The following RNF216 variants were observed in gnomAD, a reference collection of about 807,000 sequenced individuals.
RNF216 encodes the protein ring finger protein 216.
RNF216 carries 72 observed loss-of-function variants against 110.8 expected under a neutral mutation model. The observed-to-expected ratio is 0.65, with a 90% CI of 0.54 to 0.79. The LOEUF is 0.79. RNF216 is among the 30% of genes least tolerant of loss of function. The pLI is 0.00. For missense variants in RNF216, 1,342 were observed against 1,141.2 expected, an observed-to-expected ratio of 1.18 and a Z score of -2.54; for synonymous variants, 495 against 407.5, an observed-to-expected ratio of 1.21 and a Z score of -2.59.
chr7:5,675,951 C>T lies in RNF216; in HGVS notation c.2062-23441G>A, dbSNP rs540729108. On this transcript the variant is annotated intron_variant, in intron 13 of 16. Coordinates refer to ENST00000389902, the MANE Select transcript of RNF216 (RefSeq NM_207111.4). ...CTTGAACTCCTGACCTCAGATGATC[C>T]GCCCACCTCAGCCTTCCAAAGTGCT... Among the ~76,000 whole-genome samples, 19 of 151,370 alleles carry T rather than the reference C, an allele frequency of 1.3e-4. 1 individual carries two copies. The South Asian group carries it at 2.9e-3, about 23-fold the overall frequency.
intron 13 of RNF216, among the ~76,000 whole-genome samples, chr7:5,688,628 T>G (rs920394132): frequency 6.6e-6 from 1 of 152,220 alleles, no homozygotes; most frequent in Non-Finnish European, 1.5e-5. Context: ...TTATACAAAG[T>G]GAGCAGAAGG....
At chr7:5,655,192 ATG>A (rs1268904671) in intron 13 of RNF216, among the ~76,000 whole-genome samples, 3 of 152,222 alleles carry the variant, frequency 2.0e-5, no homozygotes, top group African/African-American at 4.8e-5. Context: ...AGCCAGGTGC[ATG>A]TGAGGGCCAC....
intron 2 of RNF216, among the ~76,000 whole-genome samples, chr7:5,753,588 C>T (rs947332106): frequency 3.3e-5 from 5 of 152,152 alleles, no homozygotes; most frequent in Non-Finnish European, 5.9e-5. Flanking sequence ...GTTTTTACTT[C>T]CTTTTATCAA....
chr7:5,655,368 C>T (rs546238166), intron 13 of RNF216, among the ~76,000 whole-genome samples: 9 of 152,160 alleles, frequency 5.9e-5, no homozygotes, highest in Admixed American at 1.3e-4. Flanking sequence ...GAGGCCGAGG[C>T]GGAGGGATCA....
At chr7:5,657,666 G>A (rs1045741114) in intron 13 of RNF216, among the ~76,000 whole-genome samples, 3 of 152,158 alleles carry the variant, frequency 2.0e-5, no homozygotes, top group African/African-American at 7.2e-5. Context: ...TGCTCAGCCA[G>A]GGACCACAGG....
chr7:5,757,323 G>A lies in RNF216; in HGVS notation c.67+3680C>T, dbSNP rs144089481. The stretch of plus-strand genomic sequence containing the variant: ...GATTAGCTTATCTTCTCAGTGCACT[G>A]AATCTTTTATCATTATGAACTCTAT... On this transcript the variant is annotated intron_variant, in intron 2 of 16. Coordinates refer to ENST00000389902, the MANE Select transcript of RNF216 (RefSeq NM_207111.4). Among the ~76,000 whole-genome samples, 196 of 152,242 alleles carry A rather than the reference G, an allele frequency of 1.3e-3. 2 individuals are homozygous for A. Among genetic ancestry groups the A allele is most frequent in the Non-Finnish European group, 2.0e-3 (134 of 68,020 alleles).
chr7:5,711,732 T>G (rs1428569158), intron 13 of RNF216, 29 bp downstream of exon 13: 2 of 1,586,192 alleles, frequency 1.3e-6, no homozygotes, highest in African/African-American at 2.7e-5. Flanking sequence ...TAATTCAATA[T>G]ACATCTAGAA....
intron 1 of RNF216, among the ~76,000 whole-genome samples, chr7:5,767,646 G>T (rs536579088): frequency 1.3e-5 from 2 of 151,272 alleles, no homozygotes; most frequent in South Asian, 4.2e-4. Flanking sequence ...TGCCACCCAG[G>T]CTGAAGTAAT....
At chr7:5,654,906 TA>T (rs1270290465) in intron 13 of RNF216, among the ~76,000 whole-genome samples, 1 of 151,950 alleles carries the variant, frequency 6.6e-6, no homozygotes, top group African/African-American at 2.4e-5. Flanking sequence ...CCCATTTTTA[TA>T]AGAAACAAAC....
intron 2 of RNF216, among the ~76,000 whole-genome samples, chr7:5,754,119 GGTGTGTGTGTGTGTGTGTGTGTGTGTGT>G (rs10543449): frequency 7.0e-6 from 1 of 141,998 alleles, no homozygotes; most frequent in Non-Finnish European, 1.5e-5. Context: ...TCTTTTGTGT[GGTGTGTGTGTGTGTGTGTGTGTGTGTGT>G]GTGTGTGTGT....
Position 5,661,465 on chromosome 7 carries a change from A to C in RNF216, c.2062-8955T>G, listed in dbSNP as rs1345572114. Among the ~76,000 whole-genome samples the C allele has an allele frequency of 1.5e-4, 23 of 152,208 alleles. 1 individual carries two copies. The highest frequency in any genetic ancestry group is 1.4e-3 in the Admixed American group (22 of 15,276). ...TTTGCATACACATCTCAATCTTCACAGCAACTCTACAGGGAAGTACTGGAG... is the reference window on the plus strand; with the variant it reads ...TTTGCATACACATCTCAATCTTCACCGCAACTCTACAGGGAAGTACTGGAG... On this transcript the variant is annotated intron_variant, in intron 13 of 16. Coordinates refer to ENST00000389902, the MANE Select transcript of RNF216 (RefSeq NM_207111.4).
intron 14 of RNF216, among the ~76,000 whole-genome samples, chr7:5,647,214 T>C (rs576308655): frequency 6.6e-6 from 1 of 152,186 alleles, no homozygotes; most frequent in African/African-American, 2.4e-5. Context: ...CCCTACACTG[T>C]CATGTTTTTG....
rs554026914 is a variant in RNF216 at position 5,725,887 on chromosome 7, C to T, written c.1390-449G>A. Among the ~76,000 whole-genome samples the T allele has an allele frequency of 1.9e-4, 29 of 149,900 alleles. No homozygotes were observed. The South Asian group carries it at 6.1e-3, about 32-fold the overall frequency. ...AATAGGCAGTGGTAAAATAAATAGG[C>T]AGCATTTCTTTATTTTCATTTTCTC... On this transcript the variant is annotated intron_variant, in intron 7 of 16. Coordinates refer to ENST00000389902, the MANE Select transcript of RNF216 (RefSeq NM_207111.4).
intron 15 of RNF216, among the ~76,000 whole-genome samples, chr7:5,628,050 C>T (rs1584334031): frequency 6.6e-6 from 1 of 152,170 alleles, no homozygotes; most frequent in African/African-American, 2.4e-5. Context: ...GCAGATAGAA[C>T]CTTCCCAGCC....
At chr7:5,705,801 G>A (rs764258214) in intron 13 of RNF216, among the ~76,000 whole-genome samples, 2 of 152,090 alleles carry the variant, frequency 1.3e-5, no homozygotes, top group African/African-American at 4.8e-5. Flanking sequence ...CAGCTACTCG[G>A]GAGGCTGGGG....
chr7:5,711,590 C>A (rs547909978), intron 13 of RNF216, among the ~76,000 whole-genome samples, 171 bp downstream of exon 13: 21 of 152,314 alleles, frequency 1.4e-4, no homozygotes, highest in Admixed American at 1.2e-3. Context: ...ATCTCAGTAA[C>A]CATGTCAACC....
At chr7:5,771,539 G>A (rs150141591) in intron 1 of RNF216, among the ~76,000 whole-genome samples, 1 of 152,224 alleles carries the variant, frequency 6.6e-6, no homozygotes, top group Non-Finnish European at 1.5e-5. Flanking sequence ...GCTCATGCCT[G>A]TAATCCCTGC....
At chr7:5,681,041 T>C (rs1005488056) in intron 13 of RNF216, among the ~76,000 whole-genome samples, 10 of 152,080 alleles carry the variant, frequency 6.6e-5, no homozygotes, top group Non-Finnish European at 1.0e-4. Context: ...ACCCCGCAGA[T>C]ACCCCAGACC....
chr7:5,776,916 A>AAG (rs1253038548), intron 1 of RNF216, among the ~76,000 whole-genome samples: 15 of 147,414 alleles, frequency 1.0e-4, no homozygotes, highest in South Asian at 4.3e-4. Flanking sequence ...AAAAAAAAAA[A>AAG]AGAGAGAGAG....
Sources: allele counts gnomAD v4.1 joint callset (sites outside exome capture counted in the v4.1 genomes callset), GRCh38; gene constraint gnomAD v4.1.1; transcripts MANE v1.5; gene names NCBI Gene and HGNC (gene_info 2026-07-23, HGNC 2026-07-21).